USP34: variants seen among roughly 807,000 people sequenced by gnomAD.
USP34 encodes the protein ubiquitin carboxyl-terminal hydrolase 34.
USP34 carries 70 observed loss-of-function variants against 460.3 expected under a neutral mutation model. The ratio of observed to expected loss-of-function variants is 0.15; its 90% confidence interval spans 0.13 to 0.19. USP34 has a LOEUF of 0.19. Ranked by LOEUF, USP34 falls within the 10% of genes least tolerant of loss-of-function variation. USP34 has a pLI of 1.00. For synonymous variants in USP34, 1,647 were observed against 1,405.3 expected (o/e 1.17, Z -3.85); for missense variants, 3,985 against 4,236.2 (o/e 0.94, Z 1.65).
chr2:61,378,904 C>CA (rs1248757265), intron 7 of USP34, among the ~76,000 whole-genome samples: 1 of 13,200 alleles, frequency 7.6e-5, no homozygotes, highest in African/African-American at 3.1e-4. Flanking sequence ...GAGTCCATCT[C>CA]AAAAAAACGA....
At chr2:61,194,491 C>A (rs938449119) in intron 75 of USP34, among the ~76,000 whole-genome samples, 1 of 152,198 alleles carries the variant, frequency 6.6e-6, no homozygotes, top group African/African-American at 2.4e-5. Context: ...GACTTGTGAG[C>A]TAAGAATGGC....
intron 5 of USP34, among the ~76,000 whole-genome samples, chr2:61,388,250 T>C (rs1444642501): frequency 6.6e-6 from 1 of 151,628 alleles, no homozygotes; most frequent in African/African-American, 2.4e-5. Context: ...TCTCAAAAAA[T>C]AATAAAATCA....
At position 61,203,224 on chromosome 2, in the gene USP34, A is replaced by C; in HGVS notation, c.9424T>G (p.Phe3142Val). The change falls in exon 75 of 80, where the codon TTC becomes GTC. Residue 3142 changes from phenylalanine (F) to valine (V), a missense_variant. By Grantham distance (50) the Phe-to-Val change is conservative. This residue lies in a region of USP34 where 28 missense variants were observed against 36.8 expected (regional missense o/e 0.76). Coordinates refer to ENST00000398571, the MANE Select transcript of USP34 (RefSeq NM_014709.4). ...DVYDRMLLDY[F>V]FSYHQFIHLL... ...TGGATGAACTGATGATAAGAAAAGA[A>C]GTAGTCTAGCAGCATACGATCATAA... 2.5e-6 allele frequency: 4 copies of C among 1,603,324 alleles called. No homozygotes were observed. The highest frequency in any genetic ancestry group is 3.4e-6 in the Non-Finnish European group (4 of 1,174,850).
chr2:61,352,937 C>A (rs1040340078), intron 10 of USP34, among the ~76,000 whole-genome samples: 1 of 152,120 alleles, frequency 6.6e-6, no homozygotes, highest in Non-Finnish European at 1.5e-5. Context: ...CATTACTATA[C>A]CAAGACAAAA....
At chr2:61,409,546 T>C (rs1304648792) in intron 2 of USP34, among the ~76,000 whole-genome samples, 2 of 152,060 alleles carry the variant, frequency 1.3e-5, no homozygotes, top group Non-Finnish European at 2.9e-5. Flanking sequence ...AAACCCCATC[T>C]CTACTAAAAA....
intron 11 of USP34, 25 bp downstream of exon 11, chr2:61,350,543 A>T (rs1346799747): frequency 6.4e-7 from 1 of 1,574,348 alleles, no homozygotes; most frequent in Non-Finnish European, 8.6e-7. Context: ...AAAAAAAAAA[A>T]ACTATCATGT....
At chr2:61,466,703 G>A (rs1695773347) in intron 1 of USP34, among the ~76,000 whole-genome samples, 1 of 151,942 alleles carries the variant, frequency 6.6e-6, no homozygotes, top group Non-Finnish European at 1.5e-5. Context: ...CCTGAGGTCA[G>A]GAGTTTGAGA....
intron 23 of USP34, among the ~76,000 whole-genome samples, chr2:61,317,306 C>T (rs1383877270): frequency 6.6e-6 from 1 of 152,210 alleles, no homozygotes; most frequent in Non-Finnish European, 1.5e-5. Flanking sequence ...GCAGGCAGAT[C>T]ACTTAAGGTC....
At chr2:61,385,974 G>C (rs1457443304) in intron 5 of USP34, among the ~76,000 whole-genome samples, 1 of 144,584 alleles carries the variant, frequency 6.9e-6, no homozygotes, top group Non-Finnish European at 1.5e-5. Context: ...TCCAGCCTAG[G>C]TGACAAAGTG....
rs1461501329 is a variant in USP34, at chr2:61,188,634, C to G, written c.10109G>C (p.Ser3370Thr). 3.1e-6 allele frequency: 5 copies of G among 1,614,070 alleles called. No homozygotes were observed. Among genetic ancestry groups the G allele is most frequent in the Admixed American group, 1.7e-5 (1 of 60,008 alleles). The change falls in exon 80 of 80, where the codon AGT becomes ACT. Residue 3370 changes from serine (S) to threonine (T), a missense_variant. Transcript: ENST00000398571. ...CTCCCTGGTTTCTGTTTTCATGTCA[C>G]TGATGCAGCTGTCTACAGTGTGCTC... The part of the protein sequence containing the change: ...DEEHTVDSCI[S>T]DMKTETREVL...
chr2:61,464,541 A>G (rs553169838), intron 1 of USP34, among the ~76,000 whole-genome samples: 1 of 152,038 alleles, frequency 6.6e-6, no homozygotes, highest in South Asian at 2.1e-4. Flanking sequence ...AACTTGGTAA[A>G]CTATAACCCA....
chr2:61,198,975 T>C (rs1686890297), intron 75 of USP34, among the ~76,000 whole-genome samples: 1 of 152,322 alleles, frequency 6.6e-6, no homozygotes, highest in Admixed American at 6.5e-5. Flanking sequence ...TTACTTAACG[T>C]TCTTCATCAT....
At chr2:61,248,730 T>G in intron 48 of USP34, 47 bp from the exon 49 acceptor site, 1 of 1,486,764 alleles carries the variant, frequency 6.7e-7, no homozygotes, top group Non-Finnish European at 9.0e-7. Context: ...TTACAAATAC[T>G]TCAGTTGGTT....
At chr2:61,234,789 A>G (rs1180292972) in intron 57 of USP34, among the ~76,000 whole-genome samples, 1 of 151,876 alleles carries the variant, frequency 6.6e-6, no homozygotes, top group Admixed American at 6.6e-5. Flanking sequence ...ACAAGTGCAC[A>G]CCACCATGAC....
chr2:61,195,092 C>T (rs1686759687), intron 75 of USP34, among the ~76,000 whole-genome samples: 2 of 151,602 alleles, frequency 1.3e-5, no homozygotes, highest in Non-Finnish European at 2.9e-5. Flanking sequence ...TGGTGGCACA[C>T]ACCTGTAATC....
At chr2:61,317,594 G>A (rs556083456) in intron 23 of USP34, 60 bp downstream of exon 23, 5 of 1,445,256 alleles carry the variant, frequency 3.5e-6, no homozygotes, top group African/African-American at 1.4e-5. Context: ...TTTGGAAACC[G>A]AATTTGATAA....
intron 50 of USP34, 125 bp downstream of exon 50, chr2:61,246,199 C>T: frequency 1.6e-6 from 1 of 637,222 alleles, no homozygotes; most frequent in Non-Finnish European, 2.4e-6. Flanking sequence ...AAGTTATCTT[C>T]ATTTAAAAAT....
intron 8 of USP34, among the ~76,000 whole-genome samples, chr2:61,377,262 G>T (rs1285726866): frequency 6.6e-6 from 1 of 152,092 alleles, no homozygotes; most frequent in Non-Finnish European, 1.5e-5. Context: ...TAGAGCAGTA[G>T]TAACATCAAG....
intron 10 of USP34, among the ~76,000 whole-genome samples, chr2:61,369,116 A>G (rs1692527563): frequency 6.6e-6 from 1 of 152,234 alleles, no homozygotes; most frequent in Non-Finnish European, 1.5e-5. Flanking sequence ...TACCAATGAT[A>G]TCACTTTTCA....
Sources: allele counts gnomAD v4.1 joint callset (sites outside exome capture counted in the v4.1 genomes callset), GRCh38; gene constraint gnomAD v4.1.1; regional missense constraint gnomAD v4.1.1; transcripts MANE v1.5; gene names NCBI Gene and HGNC (gene_info 2026-07-23, HGNC 2026-07-21).